Variants in PDE4DIP observed in about 807,000 individuals in gnomAD.
PDE4DIP encodes myomegalin.
In PDE4DIP, 59 loss-of-function variants were observed where a neutral mutation model predicts 221.4. The ratio of observed to expected loss-of-function variants is 0.27; its 90% CI spans 0.22 to 0.33. The LOEUF is 0.33. Among genes scored for constraint, PDE4DIP ranks in the 10% least tolerant of loss-of-function variants. The pLI is 1.00. For missense variants in PDE4DIP, 1,036 were observed against 2,154.2 expected (o/e 0.48, Z 10.28); for synonymous variants, 404 against 815.9 (o/e 0.50, Z 8.60).
At chr1:148,936,812 T>C (rs587726965) in intron 4 of PDE4DIP, among the ~76,000 whole-genome samples, 39 of 152,142 alleles carry the variant, frequency 2.6e-4, no homozygotes, top group Admixed American at 2.3e-3. Context: ...AGCTTCACTG[T>C]CTTCCACCTT....
At chr1:148,950,040 G>C (rs1332047417) in intron 5 of PDE4DIP, among the ~76,000 whole-genome samples, 1 of 151,854 alleles carries the variant, frequency 6.6e-6, no homozygotes, top group Non-Finnish European at 1.5e-5. Context: ...TTACAATTTG[G>C]AGACTATCAG....
intron 13 of PDE4DIP, 120 bp from the exon 17 acceptor site, chr1:148,968,716 T>G (rs2058639313): frequency 1.6e-6 from 1 of 639,256 alleles, no homozygotes; most frequent in Admixed American, 2.9e-5. Flanking sequence ...GAGTAAAACA[T>G]GATACTTATT....
intron 5 of PDE4DIP, chr1:148,952,110 C>T: frequency 9.8e-7 from 1 of 1,022,754 alleles, no homozygotes; most frequent in Non-Finnish European, 1.2e-6. Context: ...CCTCGACATC[C>T]TGCAGAGGCG....
chr1:148,991,739 G>C (rs879993728), intron 21 of PDE4DIP, 146 bp from the exon 25 acceptor site: 1 of 696,096 alleles, frequency 1.4e-6, no homozygotes, highest in Non-Finnish European at 2.4e-6. Context: ...TTTCTTTCCA[G>C]CCCTGCTGGC....
intron 1 of PDE4DIP, among the ~76,000 whole-genome samples, chr1:148,820,941 C>T (rs1571331252): frequency 6.7e-6 from 1 of 149,372 alleles, no homozygotes; most frequent in East Asian, 2.0e-4. Context: ...GGCTCCGCCC[C>T]CTGGGGTTCA....
chr1:148,907,225 TCGG>T (rs2042058641), intron 1 of PDE4DIP, among the ~76,000 whole-genome samples: 2 of 134,914 alleles, frequency 1.5e-5, no homozygotes, highest in Non-Finnish European at 3.2e-5. Context: ...AGATAGTTGG[TCGG>T]TTAATTCTTA....
chr1:148,952,094 G>A, intron 5 of PDE4DIP: 3 of 1,019,132 alleles, frequency 2.9e-6, no homozygotes, highest in Non-Finnish European at 3.5e-6. Context: ...TCCCCGCGAG[G>A]AGGAGCCTCG....
intron 14 of PDE4DIP, among the ~76,000 whole-genome samples, chr1:148,969,707 CTTT>C (rs66883683): frequency 1.5e-5 from 2 of 135,012 alleles, no homozygotes; most frequent in Non-Finnish European, 1.6e-5. Context: ...GAAGTAAATT[CTTT>C]TTTTTTTTTT....
At chr1:148,958,859 G>T (rs1427994607) in intron 5 of PDE4DIP, among the ~76,000 whole-genome samples, 6 of 151,872 alleles carry the variant, frequency 4.0e-5, no homozygotes, top group African/African-American at 2.4e-5. Context: ...TACATACATG[G>T]CTCACATTAT....
intron 1 of PDE4DIP, among the ~76,000 whole-genome samples, chr1:148,818,092 G>A (rs1553357533): frequency 6.7e-6 from 1 of 149,712 alleles, no homozygotes; most frequent in African/African-American, 2.5e-5. Context: ...GGGATTACAG[G>A]CGTGAGGCAC....
intron 37 of PDE4DIP, among the ~76,000 whole-genome samples, chr1:149,023,950 AAGAG>A (rs67572824): frequency 9.3e-5 from 14 of 150,590 alleles, no homozygotes; most frequent in Non-Finnish European, 1.5e-4. Context: ...GAGAGAGAGA[AAGAG>A]AGAGAGAGAA....
chr1:148,948,787 G>A (rs1182651718), intron 5 of PDE4DIP, among the ~76,000 whole-genome samples: 6 of 151,398 alleles, frequency 4.0e-5, no homozygotes, highest in Non-Finnish European at 7.4e-5. Context: ...ATACAGAACA[G>A]CTTCATCACC....
At chr1:148,917,249 C>T (rs1421707718) in intron 1 of PDE4DIP, among the ~76,000 whole-genome samples, 3 of 151,776 alleles carry the variant, frequency 2.0e-5, no homozygotes, top group Admixed American at 6.6e-5. Context: ...ATGAATAGCT[C>T]ATGACACACT....
intron 20 of PDE4DIP, among the ~76,000 whole-genome samples, chr1:148,980,926 G>C (rs1212035199): frequency 6.6e-6 from 1 of 152,198 alleles, no homozygotes; most frequent in Non-Finnish European, 1.5e-5. Flanking sequence ...TTTGTCCTGG[G>C]TTTTAGTTTT....
At chr1:149,028,565 A>T (rs782078431) in exon 41 of PDE4DIP, 85 of 1,610,542 alleles carry the variant, frequency 5.3e-5, no homozygotes, top group Admixed American at 2.2e-4. Flanking sequence ...CCCAGGTGCT[A>T]GGCAGCAAAG....
intron 1 of PDE4DIP, among the ~76,000 whole-genome samples, chr1:148,890,420 TG>T (rs1161844187): frequency 2.0e-5 from 3 of 149,226 alleles, no homozygotes; most frequent in Non-Finnish European, 3.0e-5. Flanking sequence ...CCTGAGCAGC[TG>T]GGACCACAGG....
chr1:148,862,428 T>A (rs1288468637), intron 1 of PDE4DIP, among the ~76,000 whole-genome samples: 6 of 136,976 alleles, frequency 4.4e-5, no homozygotes, highest in African/African-American at 1.6e-4. Flanking sequence ...CAGATACACC[T>A]CTTGCTACTG....
exon 12 of PDE4DIP, chr1:148,966,954 C>T (rs782188493): frequency 2.5e-6 from 4 of 1,611,518 alleles, no homozygotes; most frequent in East Asian, 2.2e-5. Flanking sequence ...GATGTCCTCT[C>T]CTCCAATGAA....
intron 21 of PDE4DIP, chr1:148,981,760 A>G (rs1441209288): frequency 8.7e-6 from 2 of 229,384 alleles, no homozygotes; most frequent in African/African-American, 4.4e-5. Flanking sequence ...GGGCCAATAA[A>G]GTTTATTCTT....
Sources: gnomAD v4.1 joint callset for allele counts (sites outside exome capture counted in the v4.1 genomes callset) on GRCh38, gnomAD v4.1.1 for gene constraint, MANE v1.5 for transcripts, NCBI Gene and HGNC (gene_info 2026-07-23, HGNC 2026-07-21) for gene names.